The following PTPRD variants were observed in gnomAD, a reference collection of about 807,000 sequenced individuals.
PTPRD encodes the protein protein tyrosine phosphatase receptor type D.
PTPRD carries 34 observed loss-of-function variants against 214.5 expected under a neutral mutation model. The ratio of observed to expected loss-of-function variants is 0.16; its 90% CI spans 0.12 to 0.21. The LOEUF is 0.21. Among genes scored for constraint, PTPRD ranks in the 10% least tolerant of loss-of-function variants. PTPRD has a pLI of 1.00. For missense variants in PTPRD, 2,545 were observed against 2,398.7 expected, an observed-to-expected ratio of 1.06 and a Z score of -1.27; for synonymous variants, 1,128 against 845.7, an observed-to-expected ratio of 1.33 and a Z score of -5.79.
At chr9:9,472,899 G>T in intron 8 of PTPRD, among the ~76,000 whole-genome samples, 1 of 152,100 alleles carries the variant, frequency 6.6e-6, no homozygotes, top group Non-Finnish European at 1.5e-5. Flanking sequence ...ATTATTACAT[G>T]TATACAAGGT....
intron 7 of PTPRD, among the ~76,000 whole-genome samples, chr9:9,576,792 G>A (rs188127745): frequency 6.5e-4 from 99 of 152,142 alleles, no homozygotes; most frequent in African/African-American, 2.2e-3. Context: ...ACATTATAGC[G>A]CAGAAACAAT....
chr9:10,036,506 G>GCACACA (rs59938783), intron 3 of PTPRD, among the ~76,000 whole-genome samples: 3,952 of 142,056 alleles, frequency 0.028, 182 homozygotes, highest in African/African-American at 0.098. Context: ...ACACACTCAT[G>GCACACA]CACACACACA....
At chr9:9,127,258 A>G (rs2099835459) in intron 10 of PTPRD, among the ~76,000 whole-genome samples, 1 of 152,190 alleles carries the variant, frequency 6.6e-6, no homozygotes, top group Non-Finnish European at 1.5e-5. Context: ...CCACATAGAC[A>G]GTGACCCAGC....
At chr9:9,954,531 CAT>C (rs1183716877) in intron 4 of PTPRD, among the ~76,000 whole-genome samples, 3 of 149,778 alleles carry the variant, frequency 2.0e-5, no homozygotes, top group African/African-American at 7.3e-5. Context: ...ATAAATTTTT[CAT>C]AGTTTAAAAC....
At chr9:8,591,820 C>A (rs2094127986) in intron 14 of PTPRD, among the ~76,000 whole-genome samples, 1 of 152,168 alleles carries the variant, frequency 6.6e-6, no homozygotes, top group African/African-American at 2.4e-5. Flanking sequence ...AATGTGAACT[C>A]TGTATTCACT....
intron 10 of PTPRD, among the ~76,000 whole-genome samples, chr9:9,031,748 C>A (rs1212803271): frequency 7.2e-5 from 11 of 151,826 alleles, no homozygotes; most frequent in African/African-American, 2.2e-4. Context: ...GAAAGAGACA[C>A]CTGACAAAAG....
At chr9:9,189,563 T>C (rs1313150086) in intron 9 of PTPRD, among the ~76,000 whole-genome samples, 3 of 152,100 alleles carry the variant, frequency 2.0e-5, no homozygotes, top group African/African-American at 4.8e-5. Flanking sequence ...GCTTCTATTA[T>C]GTCTTAACAC....
At chr9:9,039,725 A>C (rs539313775) in intron 10 of PTPRD, among the ~76,000 whole-genome samples, 1 of 152,300 alleles carries the variant, frequency 6.6e-6, no homozygotes, top group Admixed American at 6.5e-5. Flanking sequence ...ATTTTGACTC[A>C]ATGTTGTTTG....
In PTPRD at chr9:8,903,651, T is replaced by A. The variant is rs1587741262; in HGVS notation, c.-104+115046A>T. Among the ~76,000 whole-genome samples, 3 of 152,194 alleles carry A rather than the reference T, an allele frequency of 2.0e-5. No homozygotes were observed. The South Asian group carries it at 6.2e-4, about 32-fold the overall frequency. On this transcript the variant is annotated intron_variant, in intron 11 of 45. Coordinates refer to ENST00000381196, the MANE Select transcript of PTPRD (RefSeq NM_002839.4). ...TTAAAATAAAAACGAATAAAAATAT[T>A]TCAATGCTACATATTAATGAATTAT...
intron 14 of PTPRD, among the ~76,000 whole-genome samples, chr9:8,557,435 C>CATATATATATAT (rs34006120): frequency 2.2e-5 from 3 of 133,640 alleles, no homozygotes; most frequent in African/African-American, 9.7e-5. Flanking sequence ...TTTGTAAATA[C>CATATATATATAT]ATATATATAT....
At chr9:8,601,536 A>G (rs2094863749) in intron 14 of PTPRD, among the ~76,000 whole-genome samples, 2 of 152,128 alleles carry the variant, frequency 1.3e-5, no homozygotes. Flanking sequence ...GCAGCTCAGC[A>G]CACAGAGACA....
At chr9:10,153,991 G>T (rs1211210432) in intron 3 of PTPRD, among the ~76,000 whole-genome samples, 1 of 151,972 alleles carries the variant, frequency 6.6e-6, no homozygotes, top group Non-Finnish European at 1.5e-5. Context: ...TAATGTTGAG[G>T]GTATACCCAG....
intron 35 of PTPRD, among the ~76,000 whole-genome samples, chr9:8,408,383 A>C (rs918049639): frequency 2.0e-5 from 3 of 152,022 alleles, no homozygotes; most frequent in African/African-American, 7.3e-5. Context: ...AGATATGTCT[A>C]CTCAACTCTG....
At chr9:10,108,671 T>G (rs988263080) in intron 3 of PTPRD, among the ~76,000 whole-genome samples, 1 of 152,088 alleles carries the variant, frequency 6.6e-6, no homozygotes, top group Non-Finnish European at 1.5e-5. Flanking sequence ...CACTCTCATA[T>G]TTACTGCAGC....
chr9:9,623,422 T>C (rs1259192527), intron 7 of PTPRD, among the ~76,000 whole-genome samples: 1 of 152,196 alleles, frequency 6.6e-6, no homozygotes, highest in East Asian at 1.9e-4. Flanking sequence ...TTCAGAAGCA[T>C]GCAGTATAAC....
At chr9:9,160,287 A>G (rs1255191209) in intron 10 of PTPRD, among the ~76,000 whole-genome samples, 1 of 152,178 alleles carries the variant, frequency 6.6e-6, no homozygotes, top group African/African-American at 2.4e-5. Context: ...TTTGCAAACC[A>G]TTAATGTGAT....
At chr9:8,834,081 G>A (rs948653715) in intron 11 of PTPRD, among the ~76,000 whole-genome samples, 1 of 151,892 alleles carries the variant, frequency 6.6e-6, no homozygotes, top group Non-Finnish European at 1.5e-5. Flanking sequence ...TTTCCAGAAG[G>A]AATCCTGGTA....
At chr9:9,079,438 G>C (rs903755884) in intron 10 of PTPRD, among the ~76,000 whole-genome samples, 1 of 151,972 alleles carries the variant, frequency 6.6e-6, no homozygotes, top group Non-Finnish European at 1.5e-5. Context: ...TCCATATCTT[G>C]GCTATTGTGA....
chr9:9,420,132 T>C (rs1430549293), intron 8 of PTPRD, among the ~76,000 whole-genome samples: 1 of 151,680 alleles, frequency 6.6e-6, no homozygotes, highest in Non-Finnish European at 1.5e-5. Flanking sequence ...AATTTCTCCT[T>C]GTTAAAGTTT....
Sources: allele counts gnomAD v4.1 joint callset (sites outside exome capture counted in the v4.1 genomes callset), GRCh38; gene constraint gnomAD v4.1.1; transcripts MANE v1.5; gene names NCBI Gene and HGNC (gene_info 2026-07-23, HGNC 2026-07-21).